The following COQ8A variants were observed in gnomAD, a reference collection of about 807,000 sequenced individuals.
COQ8A encodes coenzyme Q8A, also known as atypical kinase COQ8A, mitochondrial.
A neutral mutation model predicts 65.0 loss-of-function variants in COQ8A; 51 were observed. The observed-to-expected ratio is 0.78, with a 90% CI of 0.63 to 0.99. The LOEUF (loss-of-function observed/expected upper bound fraction) is 0.99. Among genes scored for constraint, COQ8A ranks in the 50% least tolerant of loss-of-function variants. The probability of loss-of-function intolerance (pLI) is 0.00; values close to 1 mark genes in which losing one functional copy is unlikely to be tolerated. For synonymous variants in COQ8A, 371 were observed against 353.2 expected, an observed-to-expected ratio of 1.05 and a Z score of -0.57; for missense variants, 940 against 875.0, an observed-to-expected ratio of 1.07 and a Z score of -0.94.
At chr1:226,985,442 C>T in intron 14 of COQ8A, 102 bp downstream of exon 14, 2 of 1,371,122 alleles carry the variant, frequency 1.5e-6, no homozygotes, top group Non-Finnish European at 2.1e-6. Flanking sequence ...CTCAAGGGGC[C>T]CCCAGAGCCC....
chr1:226,950,479 C>T (rs1657311091), intron 1 of COQ8A, among the ~76,000 whole-genome samples: 1 of 152,258 alleles, frequency 6.6e-6, no homozygotes. Context: ...CCCAGCTTTA[C>T]TTCTTAAAAG....
chr1:226,965,808 GGT>G (rs1400167197), intron 4 of COQ8A, 71 bp downstream of exon 4: 1 of 1,529,466 alleles, frequency 6.5e-7, no homozygotes, highest in Admixed American at 1.7e-5. Context: ...CCTGCATGGA[GGT>G]GGGGACCCAG....
chr1:226,950,531 A>G (rs1657312863), intron 1 of COQ8A, among the ~76,000 whole-genome samples: 2 of 152,258 alleles, frequency 1.3e-5, no homozygotes, highest in African/African-American at 2.4e-5. Flanking sequence ...TCTGTGCCTT[A>G]GCACCCTCAT....
chr1:226,966,171 C>G (rs558900342), intron 4 of COQ8A, among the ~76,000 whole-genome samples: 1 of 152,368 alleles, frequency 6.6e-6, no homozygotes, highest in South Asian at 2.1e-4. Flanking sequence ...CCCCCTGGGA[C>G]CAGACATTTA....
intron 1 of COQ8A, among the ~76,000 whole-genome samples, chr1:226,944,737 GA>G (rs1656910814): frequency 1.5e-4 from 2 of 13,232 alleles, no homozygotes; most frequent in Non-Finnish European, 3.0e-4. Flanking sequence ...GAGAGAGAGA[GA>G]GAGAGAGAGA....
chr1:226,960,360 C>G (rs1192849305), intron 1 of COQ8A, among the ~76,000 whole-genome samples: 1 of 992 alleles, frequency 1.0e-3, no homozygotes. Flanking sequence ...GGTGGTGGTG[C>G]TTGGTGGTGG....
At position 226,986,539 on chromosome 1, in the gene COQ8A, C is replaced by T. The variant is rs750092609; in HGVS notation, c.1746C>T (p.Ser582=). ...AGCCTTTTGATTTTGGCACTCAGAG[C>T]ACCACCGAGAAGATCCACAACCTGA... is the stretch of plus-strand genomic sequence containing the variant. The part of the protein sequence containing the change: ...SDEPFDFGTQ[S]TTEKIHNLIP... The change falls in exon 15 of 15, where the codon AGC becomes AGT. Residue 582 remains serine, a synonymous_variant. Transcript: ENST00000366777. 1.0e-5 allele frequency: 16 copies of T among 1,605,302 alleles called. No individual in the cohort carries two copies. In the Admixed American group the frequency reaches 2.5e-4, roughly 25 times the overall value.
Position 226,961,513 on chromosome 1 carries a change from T to C in COQ8A, c.128T>C (p.Leu43Pro). 1.2e-6 allele frequency: 2 copies of C among 1,613,842 alleles called. No individual in the cohort carries two copies. The highest frequency in any genetic ancestry group is 1.7e-6 in the Non-Finnish European group (2 of 1,179,988). Residue 43 changes from leucine to proline, a missense_variant, in exon 2 of 15, where the codon CTG becomes CCG. Coordinates refer to ENST00000366777, the MANE Select transcript of COQ8A (RefSeq NM_020247.5). Reference sequence around the variant, plus strand: ...GAGCTGATCATGGCGGCCAGGGCCCTGCAGTCCACGGCTGTGGAGCAGATT... The same window carrying C: ...GAGCTGATCATGGCGGCCAGGGCCCCGCAGTCCACGGCTGTGGAGCAGATT... The part of the protein sequence containing the change: ...GGELIMAARA[L>P]QSTAVEQIGM...
chr1:226,978,998 G>A (rs990440023), intron 5 of COQ8A, among the ~76,000 whole-genome samples: 8 of 152,058 alleles, frequency 5.3e-5, no homozygotes, highest in Non-Finnish European at 8.8e-5. Flanking sequence ...ACCTTTTGCT[G>A]CTGCCCTGCT....
intron 1 of COQ8A, among the ~76,000 whole-genome samples, chr1:226,948,025 C>G (rs1657149558): frequency 6.6e-6 from 1 of 152,200 alleles, no homozygotes; most frequent in South Asian, 2.1e-4. Context: ...TACAGCCCCT[C>G]TCCCCAACCC....
intron 1 of COQ8A, among the ~76,000 whole-genome samples, chr1:226,959,809 A>T (rs570400340): frequency 1.3e-3 from 196 of 152,350 alleles, no homozygotes; most frequent in African/African-American, 4.5e-3. Context: ...TTCACTGGGT[A>T]TGTAGGATGC....
chr1:226,981,261 G>T (rs944454483), intron 5 of COQ8A, among the ~76,000 whole-genome samples: 2 of 152,224 alleles, frequency 1.3e-5, no homozygotes, highest in African/African-American at 4.8e-5. Context: ...CCCAGGATAG[G>T]GGGGAAGCTA....
chr1:226,978,281 A>C (rs1659400160), intron 5 of COQ8A, among the ~76,000 whole-genome samples: 2 of 114,482 alleles, frequency 1.7e-5, no homozygotes, highest in East Asian at 3.0e-4. Flanking sequence ...GAACACCCGC[A>C]CACCTCCTTA....
intron 13 of COQ8A, 125 bp from the exon 14 acceptor site, chr1:226,985,129 G>C: frequency 7.7e-7 from 1 of 1,299,406 alleles, no homozygotes; most frequent in South Asian, 1.2e-5. Context: ...CACAGCACTG[G>C]CCGGGGGCCC....
rs1446203032 is a variant in COQ8A, at chr1:226,982,053, C to G, written c.757C>G (p.Pro253Ala). ...GAAGAAGGCCGTGCTGGGTTCCAGTCCTTTCCTGTCCGAGGCCAATGCAGA... is the reference window on the plus strand; with the variant it reads ...GAAGAAGGCCGTGCTGGGTTCCAGTGCTTTCCTGTCCGAGGCCAATGCAGA... ...SGKKAVLGSS[P>A]FLSEANAERI... The change falls in exon 6 of 15, where the codon CCT becomes GCT. Residue 253 changes from proline (P) to alanine (A), a missense_variant. By Grantham distance (27) the Pro-to-Ala change is conservative. Transcript: ENST00000366777. The G allele has an allele frequency of 3.7e-6, 6 of 1,612,816 alleles. No individual in the cohort carries two copies. The highest frequency in any genetic ancestry group is 5.1e-6 in the Non-Finnish European group (6 of 1,180,018).
chr1:226,963,765 T>A (rs955505732), intron 2 of COQ8A, among the ~76,000 whole-genome samples: 12 of 152,144 alleles, frequency 7.9e-5, no homozygotes, highest in Non-Finnish European at 1.6e-4. Context: ...CCACCACGCC[T>A]GGCTAATTTT....
intron 2 of COQ8A, among the ~76,000 whole-genome samples, chr1:226,962,829 C>T (rs2148055357): frequency 6.6e-6 from 1 of 152,326 alleles, no homozygotes; most frequent in Admixed American, 6.5e-5. Context: ...TGGGGGCCAG[C>T]CTGGACCATC....
intron 2 of COQ8A, 138 bp from the exon 3 acceptor site, chr1:226,964,862 A>T: frequency 1.0e-6 from 1 of 965,662 alleles, no homozygotes; most frequent in Non-Finnish European, 1.6e-6. Flanking sequence ...GCCGGGCCTC[A>T]GGTGCAGCAC....
intron 2 of COQ8A, among the ~76,000 whole-genome samples, 155 bp from the exon 3 acceptor site, chr1:226,964,845 G>C (rs149681027): frequency 6.6e-6 from 1 of 152,206 alleles, no homozygotes; most frequent in African/African-American, 2.4e-5. Flanking sequence ...CCCAGGCTGG[G>C]AAGGGTGCCG....
Sources: allele counts gnomAD v4.1 joint callset (sites outside exome capture counted in the v4.1 genomes callset), GRCh38; gene constraint gnomAD v4.1.1; transcripts MANE v1.5; gene names NCBI Gene and HGNC (gene_info 2026-07-23, HGNC 2026-07-21).